CDC42SE2: variants seen among roughly 807,000 people sequenced by gnomAD.
CDC42SE2 encodes CDC42 small effector protein 2.
In CDC42SE2, 3 loss-of-function variants were observed where a neutral mutation model predicts 11.5. That is an observed-to-expected ratio of 0.26 (90% CI 0.12 to 0.67). The LOEUF is 0.67. Ranked by LOEUF, CDC42SE2 falls within the 30% of genes least tolerant of loss-of-function variation. The pLI is 0.80. For missense variants in CDC42SE2, 82 were observed against 106.8 expected, an observed-to-expected ratio of 0.77 and a Z score of 1.02; for synonymous variants, 33 against 34.8, an observed-to-expected ratio of 0.95 and a Z score of 0.18.
In CDC42SE2 at chr5:131,393,478, T is replaced by TAACA. The variant is rs918926688; in HGVS notation, c.*2389_*2392dup. The TAACA allele has an allele frequency of 5.3e-5, 8 of 152,376 alleles. No individual in the cohort carries two copies. Among genetic ancestry groups the TAACA allele is most frequent in the Middle Eastern group, 3.2e-3 (1 of 316 alleles). 9.4% of individuals were successfully genotyped at this position (152,376 alleles called of 1,614,324 possible). A position where few individuals can be genotyped will look rare whatever the true frequency, so the allele number is the denominator to read the frequency against. On this transcript the variant is annotated 3_prime_UTR_variant, in exon 5 of 5. Coordinates refer to ENST00000505065, the MANE Select transcript of CDC42SE2 (RefSeq NM_001375635.1). ...AGTAGACATTTTGCAGTTTGTTTAA[T>TAACA]AACAACTTCTAAAGTAAGTTGAATT...
At chr5:131,273,930 A>G (rs1757048209) in intron 1 of CDC42SE2, among the ~76,000 whole-genome samples, 1 of 151,972 alleles carries the variant, frequency 6.6e-6, no homozygotes, top group Non-Finnish European at 1.5e-5. Context: ...GGTATGTGCC[A>G]CCACATCCGG....
intron 2 of CDC42SE2, among the ~76,000 whole-genome samples, chr5:131,336,414 C>T (rs1244421665): frequency 6.6e-6 from 1 of 152,188 alleles, no homozygotes; most frequent in Non-Finnish European, 1.5e-5. Flanking sequence ...TTTTTTCCTT[C>T]ATTTCAACTT....
chr5:131,305,116 A>C (rs1328524517), intron 1 of CDC42SE2, among the ~76,000 whole-genome samples: 1 of 93,242 alleles, frequency 1.1e-5, no homozygotes, highest in Non-Finnish European at 3.5e-5. Flanking sequence ...TAAATTATAC[A>C]GTATATACTC....
chr5:131,344,616 T>G (rs529836192), intron 2 of CDC42SE2, among the ~76,000 whole-genome samples: 1 of 152,220 alleles, frequency 6.6e-6, no homozygotes, highest in South Asian at 2.1e-4. Context: ...TTCTGCACAC[T>G]TAAACGTCCC....
upstream of CDC42SE2, among the ~76,000 whole-genome samples, chr5:131,244,124 A>C (rs1318198803): frequency 6.6e-6 from 1 of 152,254 alleles, no homozygotes; most frequent in East Asian, 1.9e-4. Flanking sequence ...TAAAATACCC[A>C]GGTCCAATTC....
At chr5:131,251,944 G>A (rs1056675455) in intron 1 of CDC42SE2, among the ~76,000 whole-genome samples, 6 of 152,086 alleles carry the variant, frequency 3.9e-5, no homozygotes, top group African/African-American at 1.4e-4. Context: ...GAGCCTAGGA[G>A]GTCAAGGCTG....
At chr5:131,373,445 C>T (rs1750067113) in intron 3 of CDC42SE2, among the ~76,000 whole-genome samples, 1 of 152,180 alleles carries the variant, frequency 6.6e-6, no homozygotes, top group Non-Finnish European at 1.5e-5. Context: ...TAGATTCGAA[C>T]TCTTCTGTCT....
At position 131,359,439 on chromosome 5, in the gene CDC42SE2, T is replaced by TC. The variant is rs1749645281; in HGVS notation, c.-52dup. ...TATTGAGGAGCGTATTTTTGGAACT[T>TC]CCCGAGTTGAGATTTGGAACCTTCA... On this transcript the variant is annotated 5_prime_UTR_variant, in exon 3 of 5. Coordinates refer to ENST00000505065, the MANE Select transcript of CDC42SE2 (RefSeq NM_001375635.1). 5.9e-6 allele frequency: 8 copies of TC among 1,348,532 alleles called. No individual in the cohort carries two copies. The highest frequency in any genetic ancestry group is 8.5e-6 in the Non-Finnish European group (8 of 937,566). 83.5% of individuals were successfully genotyped at this position (1,348,532 alleles called of 1,614,324 possible).
chr5:131,391,805 T>C lies in CDC42SE2; in HGVS notation c.*714T>C, dbSNP rs1750661897. ...TAAACCCTGAAAATGTAGAAATAAT[T>C]TCAAGTTTTTTTTTGTTTTATAGGG... On this transcript the variant is annotated 3_prime_UTR_variant, in exon 5 of 5. Coordinates refer to ENST00000505065, the MANE Select transcript of CDC42SE2 (RefSeq NM_001375635.1). The C allele has an allele frequency of 6.6e-6, 1 of 151,154 alleles. No individual in the cohort carries two copies. Among genetic ancestry groups the C allele is most frequent in the Admixed American group, 6.5e-5 (1 of 15,270 alleles). The allele number at this position is 151,154 out of a possible 1,614,324, so 9.4% of individuals were successfully genotyped here.
the CDC42SE2 span, among the ~76,000 whole-genome samples, chr5:131,218,698 G>A: frequency 6.6e-6 from 1 of 152,152 alleles, no homozygotes; most frequent in Non-Finnish European, 1.5e-5. Flanking sequence ...TTTGAAAACA[G>A]GTAAAATTGA....
rs114635272 is a variant in CDC42SE2 at position 131,314,310 on chromosome 5, T to C, written c.-454-1666T>C. Among the ~76,000 whole-genome samples the C allele has an allele frequency of 8.8e-3, 1,331 of 151,820 alleles. 24 individuals are homozygous for C. Among genetic ancestry groups the C allele is most frequent in the African/African-American group, 0.031 (1,263 of 41,386 alleles). On this transcript the variant is annotated intron_variant, in intron 1 of 4. Transcript: ENST00000505065. ...TCAGTGGCACAATCATAGCTCACTGTAACCTCGAACTCTTGGGCTCAAGTA... is the reference window on the plus strand; with the variant it reads ...TCAGTGGCACAATCATAGCTCACTGCAACCTCGAACTCTTGGGCTCAAGTA...
the CDC42SE2 span, among the ~76,000 whole-genome samples, chr5:131,227,350 G>T: frequency 6.6e-6 from 1 of 151,790 alleles, no homozygotes; most frequent in Non-Finnish European, 1.5e-5. Flanking sequence ...TATGTATTTG[G>T]TTGGCGAGGT....
chr5:131,307,160 C>T (rs1185413972), intron 1 of CDC42SE2, among the ~76,000 whole-genome samples: 10 of 151,728 alleles, frequency 6.6e-5, no homozygotes, highest in Non-Finnish European at 1.5e-4. Context: ...TGGTATGCTG[C>T]ACCCACTAAC....
chr5:131,267,986 G>A (rs1364624766), intron 1 of CDC42SE2, among the ~76,000 whole-genome samples: 1 of 151,622 alleles, frequency 6.6e-6, no homozygotes, highest in Non-Finnish European at 1.5e-5. Flanking sequence ...GTCAGTCTCA[G>A]GGGGACATTA....
chr5:131,231,559 A>G, the CDC42SE2 span, among the ~76,000 whole-genome samples: 4 of 152,102 alleles, frequency 2.6e-5, no homozygotes, highest in African/African-American at 4.8e-5. Context: ...GACCTTTCTC[A>G]TATCTCTGGT....
Position 131,390,983 on chromosome 5 carries a change from C to CTTGTT in CDC42SE2, c.157-7_157-3dup, listed in dbSNP as rs1554066799. On this transcript the variant is annotated splice_polypyrimidine_tract_variant and intron_variant, in intron 4 of 4. Coordinates refer to ENST00000505065, the MANE Select transcript of CDC42SE2 (RefSeq NM_001375635.1). Reference sequence around the variant, plus strand: ...CCATTTTGTTTTGTTGTATTTTTGTCTTGTTTTAGGTTAGCTCCATTCAGA... The same window carrying CTTGTT: ...CCATTTTGTTTTGTTGTATTTTTGTCTTGTTTTGTTTTAGGTTAGCTCCATTCAGA... The CTTGTT allele has an allele frequency of 8.8e-6, 14 of 1,594,904 alleles. No individual in the cohort carries two copies. The highest frequency in any genetic ancestry group is 1.2e-5 in the Non-Finnish European group (14 of 1,165,456).
At chr5:131,316,907 G>GT (rs1300660154) in intron 2 of CDC42SE2, among the ~76,000 whole-genome samples, 8 of 152,092 alleles carry the variant, frequency 5.3e-5, no homozygotes, top group African/African-American at 1.9e-4. Context: ...TCAAAGCCAT[G>GT]TTTTTTAGTG....
chr5:131,331,759 T>C (rs1758423491), intron 2 of CDC42SE2, among the ~76,000 whole-genome samples: 1 of 152,224 alleles, frequency 6.6e-6, no homozygotes, highest in South Asian at 2.1e-4. Flanking sequence ...GAGAAATAGT[T>C]CATGTTCTTT....
chr5:131,247,829 A>G (rs901129240), intron 1 of CDC42SE2, among the ~76,000 whole-genome samples: 2 of 152,006 alleles, frequency 1.3e-5, no homozygotes, highest in Admixed American at 6.6e-5. Flanking sequence ...TTGTAGAGAC[A>G]GGTCCTTTCT....
Sources: allele counts gnomAD v4.1 joint callset (sites outside exome capture counted in the v4.1 genomes callset), GRCh38; gene constraint gnomAD v4.1.1; transcripts MANE v1.5; gene names NCBI Gene and HGNC (gene_info 2026-07-23, HGNC 2026-07-21).